TLR9: variants seen among roughly 807,000 people sequenced by gnomAD.
TLR9 encodes the protein toll like receptor 9.
TLR9 carries 19 observed loss-of-function variants against 24.6 expected under a neutral mutation model. That is an observed-to-expected ratio of 0.77 (90% CI 0.54 to 1.13). The LOEUF (loss-of-function observed/expected upper bound fraction) is 1.13, where lower values mean the gene tolerates loss of function less well. TLR9 is among the 50% of genes most tolerant of loss of function. TLR9 has a pLI of 0.00. For synonymous variants in TLR9, 579 were observed against 609.8 expected, an observed-to-expected ratio of 0.95 and a Z score of 0.74; for missense variants, 1,065 against 1,379.6, an observed-to-expected ratio of 0.77 and a Z score of 3.61.
chr3:52,221,123 G>T lies in TLR9; in HGVS notation c.*94C>A. 8.5e-7 allele frequency: 1 copy of T among 1,179,746 alleles called. No homozygotes were observed. 73.1% of individuals were successfully genotyped at this position (1,179,746 alleles called of 1,614,324 possible). A position where few individuals can be genotyped will look rare whatever the true frequency, so the allele number is the denominator to read the frequency against. ...ATTGAGTGCCTGCTCTGTGTCAGGT[G>T]TGGGGTGAGGGAGGCGAGCAGGGGA... is the stretch of plus-strand genomic sequence containing the variant. On this transcript the variant is annotated 3_prime_UTR_variant, in exon 2 of 2. Coordinates refer to ENST00000360658, the MANE Select transcript of TLR9 (RefSeq NM_017442.4). The surrounding 1 kb of genome is among the most constrained non-coding windows in gnomAD (Gnocchi z 9.9).
At chr3:52,224,842 C>T (rs1288267566) in intron 1 of TLR9, among the ~76,000 whole-genome samples, 1 of 152,268 alleles carries the variant, frequency 6.6e-6, no homozygotes, top group East Asian at 1.9e-4. Context: ...CACTGCACAG[C>T]TCCATCACTC....
rs764964193 is a variant in TLR9 at position 52,224,152 on chromosome 3, T to A, written c.164A>T (p.His55Leu). ...GCCACGGGGTGCTGCCATGGAGAAG[T>A]GGGGCACAGACTTCAGGAACAGCCA... Reference protein sequence around the residue: ...CNWLFLKSVPHFSMAAPRGNV... With the variant: ...CNWLFLKSVPLFSMAAPRGNV... Residue 55 changes from histidine to leucine, a missense_variant, in exon 2 of 2, where the codon CAC (histidine) becomes CTC (leucine). Physicochemically the swap from His to Leu is moderately conservative, Grantham distance 99. Transcript: ENST00000360658. 1 of 1,592,448 alleles carries A rather than the reference T, an allele frequency of 6.3e-7. No homozygotes were observed.
In TLR9 at chr3:52,222,359, T is replaced by G. The variant is rs992280381; in HGVS notation, c.1957A>C (p.Lys653Gln). 1 of 1,614,002 alleles carries G rather than the reference T, an allele frequency of 6.2e-7. No individual in the cohort carries two copies. The highest frequency in any genetic ancestry group is 1.3e-5 in the African/African-American group (1 of 74,926). Reference protein sequence around the residue: ...LLPQTLRNLPKSLQVLRLRDN... With the variant: ...LLPQTLRNLPQSLQVLRLRDN... ...CGGAGACGCAGCACCTGTAGGCTCT[T>G]GGGGAGGTTGCGCAGGGTTTGGGGC... Residue 653 changes from lysine to glutamine, a missense_variant, in exon 2 of 2, where the codon AAG becomes CAG. Coordinates refer to ENST00000360658, the MANE Select transcript of TLR9 (RefSeq NM_017442.4).
chr3:52,222,617 T>C lies in TLR9; in HGVS notation c.1699A>G (p.Asn567Asp). ...CGCAGGTGAGCCACGAAGCTGAAGT[T>C]GTGGCCCACGCCCTGCATGCCAAAG... Reference protein sequence around the residue: ...QPFGMQGVGHNFSFVAHLRTL... With the variant: ...QPFGMQGVGHDFSFVAHLRTL... The change falls in exon 2 of 2, where the codon AAC (asparagine) becomes GAC (aspartate). Residue 567 changes from asparagine (N) to aspartate (D), a missense_variant. By Grantham distance (23) the Asn-to-Asp change is conservative. Transcript: ENST00000360658. 6.2e-7 allele frequency: 1 copy of C among 1,614,120 alleles called. No homozygotes were observed. The highest frequency in any genetic ancestry group is 8.5e-7 in the Non-Finnish European group (1 of 1,180,004).
rs757192478 is a variant in TLR9, at chr3:52,223,643, G to A, written c.673C>T (p.Leu225=). 7 of 1,583,122 alleles carry A rather than the reference G, an allele frequency of 4.4e-6. No homozygotes were observed. The Admixed American group carries it at 5.4e-5, about 12-fold the overall frequency. The change falls in exon 2 of 2, where the codon CTG becomes TTG. Residue 225 remains leucine, a synonymous_variant. Transcript: ENST00000360658. The part of the protein sequence containing the change: ...PRNLPSSLEY[L]LLSYNRIVKL... ...ACGATGCGGTTGTAGGACAACAGCA[G>A]ATACTCCAGGCTGGAAGGCAGGTTG... is the stretch of plus-strand genomic sequence containing the variant.
At position 52,223,695 on chromosome 3, in the gene TLR9, C is replaced by A. The variant is rs762132611; in HGVS notation, c.621G>T (p.Lys207Asn). The part of the protein sequence containing the change: ...GLGNLTHLSL[K>N]YNNLTVVPRN... Reference sequence around the variant, plus strand: ...GGGGCACCACAGTGAGGTTGTTGTACTTGAGTGACAGGTGGGTGAGGTTGC... The same window carrying A: ...GGGGCACCACAGTGAGGTTGTTGTAATTGAGTGACAGGTGGGTGAGGTTGC... Residue 207 changes from lysine to asparagine, a missense_variant, in exon 2 of 2, where the codon AAG (lysine) becomes AAT (asparagine). Coordinates refer to ENST00000360658, the MANE Select transcript of TLR9 (RefSeq NM_017442.4). The A allele has an allele frequency of 6.3e-7, 1 of 1,597,892 alleles. No homozygotes were observed. The highest frequency in any genetic ancestry group is 8.5e-7 in the Non-Finnish European group (1 of 1,171,028).
chr3:52,224,738 C>T (rs937002912), intron 1 of TLR9, among the ~76,000 whole-genome samples: 2 of 152,228 alleles, frequency 1.3e-5, no homozygotes, highest in African/African-American at 4.8e-5. Flanking sequence ...CACCCCACAA[C>T]CCCTTCCTTT....
At position 52,223,956 on chromosome 3, in the gene TLR9, C is replaced by T. The variant is rs1039237688; in HGVS notation, c.360G>A (p.Leu120=). The T allele has an allele frequency of 1.3e-6, 2 of 1,592,632 alleles. No individual in the cohort carries two copies. Among genetic ancestry groups the T allele is most frequent in the Non-Finnish European group, 1.7e-6 (2 of 1,166,144 alleles). ...CHMTIEPSTF[L]AVPTLEELNL... The stretch of plus-strand genomic sequence containing the variant: ...TTAGCTCTTCCAGGGTGGGCACAGC[C>T]AAGAAGGTGCTGGGCTCGATGGTCA... The change falls in exon 2 of 2, where the codon TTG becomes TTA. Residue 120 remains leucine, a synonymous_variant. Coordinates refer to ENST00000360658, the MANE Select transcript of TLR9 (RefSeq NM_017442.4).
In TLR9 at chr3:52,224,083, AGGT is replaced by A. The variant is rs772988497; in HGVS notation, c.230_232del (p.His77del). The A allele has an allele frequency of 2.6e-6, 4 of 1,568,394 alleles. No homozygotes were observed. The highest frequency in any genetic ancestry group is 3.5e-6 in the Non-Finnish European group (4 of 1,153,452). On this transcript the variant is annotated inframe_deletion, in exon 2 of 2. Transcript: ENST00000360658. The stretch of plus-strand genomic sequence containing the variant: ...CAGGTGGGCAAAGTCAGAATCATGG[AGGT>A]GGTGGATGCGGTTGGAGGACAAGGA...
rs530984687 is a variant in TLR9, at chr3:52,225,523, C to G, written c.3+4G>C. On this transcript the variant is annotated splice_donor_region_variant and intron_variant, in intron 1 of 1. Transcript: ENST00000360658. ...CCCCAGGGGACTGAGAGCTGTTGTC[C>G]TACCATGCTGGGGGGCAGGGGCTTC... is the stretch of plus-strand genomic sequence containing the variant. 6.3e-7 allele frequency: 1 copy of G among 1,589,278 alleles called. No individual in the cohort carries two copies. The highest frequency in any genetic ancestry group is 2.3e-5 in the East Asian group (1 of 43,952).
rs939800947 is a variant in TLR9, at chr3:52,222,334, C to T, written c.1982G>A (p.Arg661His). 80 of 1,614,080 alleles carry T rather than the reference C, an allele frequency of 5.0e-5. No individual in the cohort carries two copies. The Admixed American group carries it at 1.0e-3, about 21-fold the overall frequency. The part of the protein sequence containing the change: ...LPKSLQVLRL[R>H]DNYLAFFKWW... ...CTTAAAGAAGGCCAGGTAATTGTCA[C>T]GGAGACGCAGCACCTGTAGGCTCTT... is the stretch of plus-strand genomic sequence containing the variant. Residue 661 changes from arginine (R) to histidine (H), a missense_variant, in exon 2 of 2, where the codon CGT becomes CAT. Transcript: ENST00000360658.
In TLR9 at chr3:52,222,816, G is replaced by A. The variant is rs998259889; in HGVS notation, c.1500C>T (p.Cys500=). The A allele has an allele frequency of 5.6e-6, 9 of 1,613,978 alleles. No homozygotes were observed. Among genetic ancestry groups the A allele is most frequent in the African/African-American group, 2.7e-5 (2 of 74,962 alleles). Residue 500 remains cysteine (C), a synonymous_variant, in exon 2 of 2, where the codon TGC becomes TGT. Transcript: ENST00000360658. ...EMFAQLSHLQ[C]LRLSHNCISQ... is the part of the protein sequence containing the mutation. ...AGATGCAGTTGTGGCTCAGGCGCAG[G>A]CACTGCAGGTGCGAGAGCTGGGCAA...
chr3:52,225,522 C>T lies in TLR9; in HGVS notation c.3+5G>A. On this transcript the variant is annotated splice_donor_5th_base_variant and intron_variant, in intron 1 of 1. Transcript: ENST00000360658. ...TCCCCAGGGGACTGAGAGCTGTTGT[C>T]CTACCATGCTGGGGGGCAGGGGCTT... The T allele has an allele frequency of 6.3e-7, 1 of 1,589,600 alleles. No individual in the cohort carries two copies. The highest frequency in any genetic ancestry group is 8.5e-7 in the Non-Finnish European group (1 of 1,171,884).
chr3:52,222,053 G>GT lies in TLR9; in HGVS notation c.2262dup (p.Leu755ThrfsTer58), dbSNP rs1211154032. 6.2e-7 allele frequency: 1 copy of GT among 1,612,612 alleles called. No individual in the cohort carries two copies. Among genetic ancestry groups the GT allele is most frequent in the South Asian group, 1.1e-5 (1 of 90,876 alleles). On this transcript the variant is annotated frameshift_variant, in exon 2 of 2. Coordinates refer to ENST00000360658, the MANE Select transcript of TLR9 (RefSeq NM_017442.4). LOFTEE classifies it high-confidence loss of function. ...TGCAGAGGGTTGGCGCTTACATCTAGTATTTGCAGGGCACTCGCCAGGGGC... is the reference window on the plus strand; with the variant it reads ...TGCAGAGGGTTGGCGCTTACATCTAGTTATTTGCAGGGCACTCGCCAGGGGC...
Position 52,223,534 on chromosome 3 carries a change from G to C in TLR9, c.782C>G (p.Ala261Gly). ...AGGGCACTCCATGCAGGGGTTGGGAGCGTGGTCGCAGCGGCGGCAATTTCC... is the reference window on the plus strand; with the variant it reads ...AGGGCACTCCATGCAGGGGTTGGGACCGTGGTCGCAGCGGCGGCAATTTCC... ...VGGNCRRCDH[A>G]PNPCMECPRH... The change falls in exon 2 of 2, where the codon GCT becomes GGT. Residue 261 changes from alanine (A) to glycine (G), a missense_variant. Physicochemically the swap from Ala to Gly is moderately conservative, Grantham distance 60 (BLOSUM62 0). Transcript: ENST00000360658. The C allele has an allele frequency of 6.5e-7, 1 of 1,539,078 alleles. No homozygotes were observed. Among genetic ancestry groups the C allele is most frequent in the Non-Finnish European group, 8.8e-7 (1 of 1,141,778 alleles).
Position 52,221,997 on chromosome 3 carries a change from G to A in TLR9, c.2319C>T (p.Phe773=). Residue 773 remains phenylalanine, a synonymous_variant, in exon 2 of 2, where the codon TTC becomes TTT. Transcript: ENST00000360658. This position sits in a 1 kb window ranked among gnomAD's most constrained non-coding sequence, Gnocchi z 9.9. ...HCACGAAFMD[F]LLEVQAAVPG... ...GCACGGCAGCCTGCACCTCCAGCAGGAAGTCCATAAAGGCCGCCCCACAGG... is the reference window on the plus strand; with the variant it reads ...GCACGGCAGCCTGCACCTCCAGCAGAAAGTCCATAAAGGCCGCCCCACAGG... 1 of 1,608,634 alleles carries A rather than the reference G, an allele frequency of 6.2e-7. No homozygotes were observed. The highest frequency in any genetic ancestry group is 8.5e-7 in the Non-Finnish European group (1 of 1,177,146).
chr3:52,224,775 T>C (rs951615317), intron 1 of TLR9, among the ~76,000 whole-genome samples: 1 of 152,152 alleles, frequency 6.6e-6, no homozygotes, highest in Non-Finnish European at 1.5e-5. Context: ...CAGGCAGGTG[T>C]GAGAGTCTCC....
In TLR9 at chr3:52,223,348, C is replaced by A. The variant is rs1577980747; in HGVS notation, c.968G>T (p.Cys323Phe). Residue 323 changes from cysteine to phenylalanine, a missense_variant, in exon 2 of 2, where the codon TGC becomes TTC. Coordinates refer to ENST00000360658, the MANE Select transcript of TLR9 (RefSeq NM_017442.4). ...LDLSENFLYKCITKTKAFQGL... is the reference protein window; with the variant it reads ...LDLSENFLYKFITKTKAFQGL... ...CTGGAAGGCCTTGGTTTTAGTGATG[C>A]ATTTGTAGAGGAAGTTCTCACTCAG... 6.2e-7 allele frequency: 1 copy of A among 1,614,108 alleles called. No homozygotes were observed. Among genetic ancestry groups the A allele is most frequent in the African/African-American group, 1.3e-5 (1 of 74,932 alleles).
chr3:52,221,297 C>A lies in TLR9; in HGVS notation c.3019G>T (p.Ala1007Ser), dbSNP rs946743122. Residue 1007 changes from alanine to serine, a missense_variant, in exon 2 of 2, where the codon GCC becomes TCC. By Grantham distance (99) the Ala-to-Ser change is moderately conservative. Transcript: ENST00000360658. The surrounding 1 kb of genome is among the most constrained non-coding windows in gnomAD (Gnocchi z 9.9). ...HQPSGQRSFW[A>S]QLGMALTRDN... is the part of the protein sequence containing the mutation. ...CTGGTCAGGGCCATGCCCAGCTGGG[C>A]CCAGAAGCTGCGCTGACCACTGGGC... The A allele has an allele frequency of 2.0e-6, 3 of 1,534,264 alleles. No homozygotes were observed. Among genetic ancestry groups the A allele is most frequent in the Non-Finnish European group, 2.6e-6 (3 of 1,141,226 alleles).
Sources: gnomAD v4.1 joint callset for allele counts (sites outside exome capture counted in the v4.1 genomes callset) on GRCh38, gnomAD v4.1.1 for gene constraint, Gnocchi (gnomAD v3.1) non-coding constraint, MANE v1.5 for transcripts, NCBI Gene and HGNC (gene_info 2026-07-23, HGNC 2026-07-21) for gene names.